The following COMMD10 variants were observed in gnomAD, a reference collection of about 807,000 sequenced individuals.
COMMD10 encodes the protein COMM domain containing 10, also known as COMM domain-containing protein 10.
Under a neutral mutation model 28.9 loss-of-function variants are expected in COMMD10, and 33 were observed. That is an observed-to-expected ratio of 1.14 (90% CI 0.87 to 1.53). The LOEUF is 1.53. Among genes scored for constraint, COMMD10 ranks in the 40% most tolerant of loss-of-function variants. The probability of loss-of-function intolerance (pLI) is 0.00; values close to 1 mark genes in which losing one functional copy is unlikely to be tolerated. For synonymous variants in COMMD10, 110 were observed against 81.7 expected, an observed-to-expected ratio of 1.35 and a Z score of -1.87; for missense variants, 310 against 233.4, an observed-to-expected ratio of 1.33 and a Z score of -2.14.
At chr5:116,174,525 T>C (rs1428984897) in intron 5 of COMMD10, among the ~76,000 whole-genome samples, 1 of 152,074 alleles carries the variant, frequency 6.6e-6, no homozygotes, top group Non-Finnish European at 1.5e-5. Flanking sequence ...TGATGGATAA[T>C]CAATTAGTAG....
At chr5:116,239,939 T>TC (rs745660796) in intron 5 of COMMD10, among the ~76,000 whole-genome samples, 18 of 151,864 alleles carry the variant, frequency 1.2e-4, no homozygotes, top group South Asian at 4.2e-4. Flanking sequence ...TATTTTTCAC[T>TC]CCCCCCCAAG....
intron 5 of COMMD10, among the ~76,000 whole-genome samples, chr5:116,271,195 G>A (rs1750742480): frequency 7.2e-6 from 1 of 138,090 alleles, no homozygotes; most frequent in East Asian, 2.1e-4. Context: ...TTTTGTTTAT[G>A]TCAGTTTTTA....
chr5:116,233,855 T>C (rs1749591158), intron 5 of COMMD10, among the ~76,000 whole-genome samples: 1 of 152,162 alleles, frequency 6.6e-6, no homozygotes, highest in Non-Finnish European at 1.5e-5. Context: ...GTTAGGATTT[T>C]AGCTCTCGTT....
rs1336197547 is a variant in COMMD10, at chr5:116,092,548, G to T, written c.247G>T (p.Val83Leu). The T allele has an allele frequency of 2.5e-6, 4 of 1,587,076 alleles. No homozygotes were observed. The highest frequency in any genetic ancestry group is 3.4e-6 in the Non-Finnish European group (4 of 1,166,650). ...ATTTTTTGTTTCTTTTTAATAGGCAGTGTATCACAATGTGAAGCCAGCAGC... is the reference window on the plus strand; with the variant it reads ...ATTTTTTGTTTCTTTTTAATAGGCATTGTATCACAATGTGAAGCCAGCAGC... ...ETISFILEQA[V>L]YHNVKPAALQ... Residue 83 changes from valine (V) to leucine (L), a missense_variant, in exon 4 of 7, where the codon GTG becomes TTG. Transcript: ENST00000274458.
chr5:116,140,231 A>ATGTGTGTG (rs3072964), intron 5 of COMMD10, among the ~76,000 whole-genome samples: 2,290 of 147,058 alleles, frequency 0.016, 30 homozygotes, highest in African/African-American at 0.034. Flanking sequence ...TCATACTACT[A>ATGTGTGTG]TGTGTGTGTG....
Position 116,277,743 on chromosome 5 carries a change from C to T in COMMD10, c.511-13774C>T, listed in dbSNP as rs1489475646. ...GTCAAATTAACCTCATTTAGGTGCA[C>T]ACATTGGTTCTCTTTTCCTTGAAGA... On this transcript the variant is annotated intron_variant, in intron 5 of 6. Coordinates refer to ENST00000274458, the MANE Select transcript of COMMD10 (RefSeq NM_016144.4). 2.6e-5 allele frequency among the ~76,000 whole-genome samples: 4 copies of T among 151,862 alleles called. 1 individual carries two copies. Among genetic ancestry groups the T allele is most frequent in the African/African-American group, 9.7e-5 (4 of 41,208 alleles).
At chr5:116,287,996 A>G (rs988025333) in intron 5 of COMMD10, among the ~76,000 whole-genome samples, 3 of 151,652 alleles carry the variant, frequency 2.0e-5, no homozygotes, top group Admixed American at 1.3e-4. Context: ...ACGTATTACT[A>G]TATTTTTCCA....
rs116550584 is a variant in COMMD10 at position 116,275,555 on chromosome 5, C to T, written c.511-15962C>T. On this transcript the variant is annotated intron_variant, in intron 5 of 6. Coordinates refer to ENST00000274458, the MANE Select transcript of COMMD10 (RefSeq NM_016144.4). ...GCTCAAGGAAAACAAAGATTGTACACATTGTCTTCATCATTGCTGTAACCC... is the reference window on the plus strand; with the variant it reads ...GCTCAAGGAAAACAAAGATTGTACATATTGTCTTCATCATTGCTGTAACCC... Among the ~76,000 whole-genome samples, 1,155 of 151,812 alleles carry T rather than the reference C, an allele frequency of 7.6e-3. 50 individuals carry two copies. The highest frequency in any genetic ancestry group is 0.027 in the African/African-American group (1,116 of 41,208).
intron 5 of COMMD10, among the ~76,000 whole-genome samples, chr5:116,265,700 A>G (rs559608951): frequency 3.3e-5 from 5 of 151,904 alleles, no homozygotes; most frequent in African/African-American, 1.2e-4. Context: ...ATAAGTCCTC[A>G]TATTGCTGTC....
intron 5 of COMMD10, among the ~76,000 whole-genome samples, chr5:116,277,974 G>A (rs576020414): frequency 6.6e-6 from 1 of 151,894 alleles, no homozygotes; most frequent in East Asian, 1.9e-4. Flanking sequence ...AAATTTGAAT[G>A]TTGAGATCAT....
chr5:116,187,844 C>G (rs548785393), intron 5 of COMMD10, among the ~76,000 whole-genome samples: 3 of 151,800 alleles, frequency 2.0e-5, no homozygotes, highest in South Asian at 2.1e-4. Flanking sequence ...AAAGTACTTT[C>G]TTTATACCTT....
rs528009655 is a variant in COMMD10, at chr5:116,240,617, GT to G, written c.511-50898del. The stretch of plus-strand genomic sequence containing the variant: ...GAGAACTTCATAGAGAACCTGAGAA[GT>G]TCCATTTTAAGAGTTTCTCCTGCTT... On this transcript the variant is annotated intron_variant, in intron 5 of 6. Transcript: ENST00000274458. Among the ~76,000 whole-genome samples, 754 of 152,280 alleles carry G rather than the reference GT, an allele frequency of 5.0e-3. 3 individuals carry two copies. The highest frequency in any genetic ancestry group is 8.8e-3 in the Non-Finnish European group (599 of 68,006).
rs780364645 is a variant in COMMD10, at chr5:116,275,107, C to T, written c.511-16410C>T. On this transcript the variant is annotated intron_variant, in intron 5 of 6. Transcript: ENST00000274458. ...TCAATGAATGGCCCTACCCATCTTT[C>T]ACTTGCCCAAGGCAGATACTTGTGC... Among the ~76,000 whole-genome samples, 9 of 151,852 alleles carry T rather than the reference C, an allele frequency of 5.9e-5. 1 individual carries two copies. The highest frequency in any genetic ancestry group is 1.0e-4 in the Non-Finnish European group (7 of 68,022).
intron 5 of COMMD10, among the ~76,000 whole-genome samples, chr5:116,138,531 G>A (rs140007930): frequency 6.6e-6 from 1 of 151,730 alleles, no homozygotes; most frequent in East Asian, 1.9e-4. Context: ...TTTTTCCCCA[G>A]TAAATTTCCT....
At chr5:116,161,384 T>A (rs1752910795) in intron 5 of COMMD10, among the ~76,000 whole-genome samples, 2 of 152,226 alleles carry the variant, frequency 1.3e-5, no homozygotes, top group Admixed American at 1.3e-4. Context: ...CTTTTTCTTA[T>A]AAGTTGTTGG....
intron 5 of COMMD10, among the ~76,000 whole-genome samples, chr5:116,286,610 C>T (rs1221976176): frequency 2.0e-5 from 3 of 151,604 alleles, no homozygotes; most frequent in Non-Finnish European, 2.9e-5. Flanking sequence ...CCCCTTATTA[C>T]TTATTTGGCC....
intron 5 of COMMD10, among the ~76,000 whole-genome samples, chr5:116,195,780 A>G (rs998525622): frequency 6.6e-6 from 1 of 152,198 alleles, no homozygotes; most frequent in African/African-American, 2.4e-5. Flanking sequence ...AAAGACATGA[A>G]TAGACAATTC....
At chr5:116,106,116 G>A (rs1421740860) in intron 4 of COMMD10, among the ~76,000 whole-genome samples, 1 of 150,364 alleles carries the variant, frequency 6.7e-6, no homozygotes, top group East Asian at 1.9e-4. Context: ...TTTTGTGTGG[G>A]CATTTAGTGC....
At chr5:116,113,393 A>G (rs1005613711) in intron 4 of COMMD10, among the ~76,000 whole-genome samples, 7 of 129,042 alleles carry the variant, frequency 5.4e-5, no homozygotes, top group African/African-American at 2.2e-4. Flanking sequence ...TTATTTTGTT[A>G]AAGATTTTTG....
Sources: gnomAD v4.1 joint callset for allele counts (sites outside exome capture counted in the v4.1 genomes callset) on GRCh38, gnomAD v4.1.1 for gene constraint, MANE v1.5 for transcripts, NCBI Gene and HGNC (gene_info 2026-07-23, HGNC 2026-07-21) for gene names.